SOX6: variants seen among roughly 807,000 people sequenced by gnomAD.
SOX6 encodes SRY-box transcription factor 6.
In SOX6, 11 loss-of-function variants were observed where a neutral mutation model predicts 97.8. The observed-to-expected ratio is 0.11, with a 90% CI of 0.07 to 0.19. The LOEUF (loss-of-function observed/expected upper bound fraction) is 0.19. Among genes scored for constraint, SOX6 ranks in the 10% least tolerant of loss-of-function variants. The pLI, the probability that SOX6 is intolerant of heterozygous loss-of-function variation, is 1.00. For synonymous variants in SOX6, 360 were observed against 371.4 expected (o/e 0.97, Z 0.35); for missense variants, 810 against 1,039.5 (o/e 0.78, Z 3.04).
chr11:16,707,885 T>C (rs991501737), intron 3 of SOX6, among the ~76,000 whole-genome samples: 2 of 152,118 alleles, frequency 1.3e-5, no homozygotes, highest in Admixed American at 6.5e-5. Context: ...CTTCATCAGA[T>C]GGGTTACTAT....
intron 12 of SOX6, among the ~76,000 whole-genome samples, chr11:16,022,597 G>A (rs1468916278): frequency 6.6e-6 from 1 of 152,020 alleles, no homozygotes; most frequent in East Asian, 1.9e-4. Flanking sequence ...ATTTTTAGCA[G>A]AGACGGGGTT....
intron 9 of SOX6, among the ~76,000 whole-genome samples, chr11:16,058,920 T>C (rs1297805237): frequency 3.3e-5 from 5 of 152,050 alleles, no homozygotes; most frequent in African/African-American, 1.2e-4. Flanking sequence ...GGAGGGATCA[T>C]CTTATGTCTA....
intron 2 of SOX6, among the ~76,000 whole-genome samples, chr11:16,337,486 A>C (rs1402990427): frequency 6.6e-6 from 1 of 152,152 alleles, no homozygotes; most frequent in Non-Finnish European, 1.5e-5. Context: ...TCCATGAAAA[A>C]AATTATGTGA....
At chr11:16,649,847 C>G (rs7111319) in intron 3 of SOX6, among the ~76,000 whole-genome samples, 151,377 of 152,268 alleles carry the variant, frequency 0.99, 75,255 homozygotes, top group East Asian at 1. Context: ...ATAGCAGAAT[C>G]GATAAAAATC....
chr11:16,352,402 T>C (rs1590150639), intron 1 of SOX6, among the ~76,000 whole-genome samples: 1 of 152,096 alleles, frequency 6.6e-6, no homozygotes, highest in South Asian at 2.1e-4. Flanking sequence ...CACTGCTACA[T>C]GTATTATTTC....
chr11:16,277,048 G>A (rs1854424558), intron 3 of SOX6, among the ~76,000 whole-genome samples: 1 of 152,132 alleles, frequency 6.6e-6, no homozygotes, highest in Non-Finnish European at 1.5e-5. Flanking sequence ...AGTGGGAGAA[G>A]CTATATATGT....
intron 6 of SOX6, among the ~76,000 whole-genome samples, chr11:16,143,307 A>T (rs1850197940): frequency 6.6e-6 from 1 of 152,212 alleles, no homozygotes; most frequent in African/African-American, 2.4e-5. Flanking sequence ...ATGCTGAGAG[A>T]TTTTGTCACC....
intron 4 of SOX6, among the ~76,000 whole-genome samples, chr11:16,541,663 A>G (rs938743239): frequency 2.0e-5 from 3 of 152,252 alleles, no homozygotes; most frequent in Non-Finnish European, 4.4e-5. Flanking sequence ...GGATATGAAC[A>G]GACACTTCTC....
At chr11:16,558,311 T>C (rs2133189464) in intron 4 of SOX6, among the ~76,000 whole-genome samples, 1 of 152,074 alleles carries the variant, frequency 6.6e-6, no homozygotes, top group East Asian at 1.9e-4. Flanking sequence ...TTCCTTGACA[T>C]CACCTGGAAA....
intron 15 of SOX6, among the ~76,000 whole-genome samples, chr11:15,974,411 C>CT (rs1165236619): frequency 3.3e-5 from 2 of 61,284 alleles, no homozygotes; most frequent in African/African-American, 6.8e-5. Flanking sequence ...TTATTATACT[C>CT]TAAGTTTTAG....
chr11:16,258,901 C>T (rs1378126161), intron 3 of SOX6, among the ~76,000 whole-genome samples: 1 of 151,174 alleles, frequency 6.6e-6, no homozygotes, highest in Non-Finnish European at 1.5e-5. Flanking sequence ...CACATATATA[C>T]ATATATACAC....
chr11:16,119,220 C>G (rs1446796865), intron 6 of SOX6, among the ~76,000 whole-genome samples: 1 of 152,122 alleles, frequency 6.6e-6, no homozygotes, highest in Non-Finnish European at 1.5e-5. Context: ...AATGTGTCTT[C>G]TTATTGCCAA....
intron 4 of SOX6, among the ~76,000 whole-genome samples, chr11:16,562,710 T>G (rs1453441109): frequency 1.3e-5 from 2 of 152,090 alleles, no homozygotes; most frequent in Non-Finnish European, 2.9e-5. Context: ...CTGGCCCCAG[T>G]GACCCTCCCA....
At chr11:16,231,102 G>T (rs1454988088) in intron 4 of SOX6, among the ~76,000 whole-genome samples, 1 of 151,724 alleles carries the variant, frequency 6.6e-6, no homozygotes, top group Non-Finnish European at 1.5e-5. Flanking sequence ...AAATATAGCA[G>T]AATATTGTTC....
chr11:16,421,540 T>C (rs903817233), intron 1 of SOX6, among the ~76,000 whole-genome samples: 15 of 152,182 alleles, frequency 9.9e-5, no homozygotes, highest in Admixed American at 2.6e-4. Context: ...TCAGTTCCTG[T>C]ATGTAACCCT....
chr11:16,434,513 C>A (rs958650621), intron 1 of SOX6: 1 of 152,142 alleles, frequency 6.6e-6, no homozygotes, highest in Non-Finnish European at 1.5e-5. Flanking sequence ...ATTCCCTTTA[C>A]ATGTCTTCTT....
intron 3 of SOX6, among the ~76,000 whole-genome samples, chr11:16,677,255 C>T (rs1344006602): frequency 6.6e-6 from 1 of 151,956 alleles, no homozygotes; most frequent in African/African-American, 2.4e-5. Flanking sequence ...TACTATGTAC[C>T]TGTAGCTGGA....
chr11:16,322,206 T>C (rs1329603463), intron 2 of SOX6, among the ~76,000 whole-genome samples: 2 of 152,156 alleles, frequency 1.3e-5, no homozygotes, highest in Non-Finnish European at 2.9e-5. Flanking sequence ...TCAAGTTGAA[T>C]TGTAATTCCC....
At chr11:16,078,458 T>A (rs193090878) in intron 9 of SOX6, among the ~76,000 whole-genome samples, 3 of 152,198 alleles carry the variant, frequency 2.0e-5, no homozygotes, top group Admixed American at 6.5e-5. Flanking sequence ...AATCATGTAT[T>A]TTTAGTAAAT....
Sources: gnomAD v4.1 joint callset for allele counts (sites outside exome capture counted in the v4.1 genomes callset) on GRCh38, gnomAD v4.1.1 for gene constraint, MANE v1.5 for transcripts, NCBI Gene and HGNC (gene_info 2026-07-23, HGNC 2026-07-21) for gene names.